The following RFC1 variants were observed in gnomAD, a reference collection of about 807,000 sequenced individuals.
RFC1 encodes replication factor C subunit 1.
RFC1 carries 37 observed loss-of-function variants against 137.4 expected under a neutral mutation model. That is an observed-to-expected ratio of 0.27 (90% CI 0.21 to 0.35). The LOEUF is 0.35. RFC1 is among the 10% of genes least tolerant of loss of function. The pLI is 1.00. For missense variants in RFC1, 1,205 were observed against 1,358.5 expected, an observed-to-expected ratio of 0.89 and a Z score of 1.78; for synonymous variants, 429 against 455.7, an observed-to-expected ratio of 0.94 and a Z score of 0.75.
At chr4:39,292,177 C>T (rs896807620) in intron 22 of RFC1, 5 of 291,272 alleles carry the variant, frequency 1.7e-5, no homozygotes, top group Non-Finnish European at 2.0e-5. Context: ...ATGACTCGTT[C>T]CAAGTTCCAA....
Position 39,291,842 on chromosome 4 carries a change from T to C in RFC1, c.2965A>G (p.Ser989Gly), listed in dbSNP as rs973935017. 6 of 1,613,872 alleles carry C rather than the reference T, an allele frequency of 3.7e-6. No individual in the cohort carries two copies. Among genetic ancestry groups the C allele is most frequent in the Non-Finnish European group, 5.1e-6 (6 of 1,179,736 alleles). Residue 989 changes from serine to glycine, a missense_variant, in exon 23 of 25, where the codon AGC becomes GGC. Transcript: ENST00000349703. ...ALHMSLRTYSSKRTVNMDYLS... is the reference protein window; with the variant it reads ...ALHMSLRTYSGKRTVNMDYLS... ...TAATCCATGTTTACAGTCCTTTTGC[T>C]GGAGTAAGTTCTGAAACCACAACAA...
chr4:39,305,376 G>C (rs918173628), intron 14 of RFC1, among the ~76,000 whole-genome samples: 8 of 152,262 alleles, frequency 5.3e-5, no homozygotes, highest in African/African-American at 1.7e-4. Context: ...GGAGTCCAAA[G>C]TGGATGGATT....
intron 13 of RFC1, among the ~76,000 whole-genome samples, chr4:39,308,279 T>C (rs1261669296): frequency 2.6e-5 from 4 of 152,182 alleles, no homozygotes; most frequent in African/African-American, 9.7e-5. Flanking sequence ...TCCTACTTTG[T>C]TTCCAAGTCT....
intron 1 of RFC1, among the ~76,000 whole-genome samples, chr4:39,362,368 G>A (rs1418431552): frequency 6.6e-6 from 1 of 152,160 alleles, no homozygotes; most frequent in Non-Finnish European, 1.5e-5. Flanking sequence ...AAAGGTGGAG[G>A]ACATACTTCC....
intron 1 of RFC1, among the ~76,000 whole-genome samples, chr4:39,355,098 T>TACACACACACAC (rs59438877): frequency 6.3e-4 from 56 of 88,964 alleles, no homozygotes; most frequent in East Asian, 8.2e-4. Flanking sequence ...AAAAAAAAAA[T>TACACACACACAC]ACACACACAC....
chr4:39,312,700 G>A (rs755302828), intron 11 of RFC1, 52 bp downstream of exon 11: 10 of 1,512,574 alleles, frequency 6.6e-6, no homozygotes, highest in Non-Finnish European at 9.1e-6. Context: ...CATCAAGAGT[G>A]TGCCAAGGCA....
At chr4:39,327,412 T>A in intron 5 of RFC1, 112 bp downstream of exon 5, 1 of 549,074 alleles carries the variant, frequency 1.8e-6, no homozygotes. Context: ...CATAGGAAAA[T>A]TATTTTAATT....
intron 9 of RFC1, among the ~76,000 whole-genome samples, chr4:39,317,352 A>C (rs17335055): frequency 3.4e-4 from 52 of 152,238 alleles, no homozygotes; most frequent in Non-Finnish European, 6.9e-4. Flanking sequence ...ATATTTCATG[A>C]TATATCCATA....
At position 39,320,488 on chromosome 4, in the gene RFC1, A is replaced by G. The variant is rs1560604372; in HGVS notation, c.990T>C (p.Tyr330=). 2.5e-6 allele frequency: 4 copies of G among 1,608,188 alleles called. No individual in the cohort carries two copies. The highest frequency in any genetic ancestry group is 3.4e-6 in the Non-Finnish European group (4 of 1,178,700). Residue 330 remains tyrosine (Y), a synonymous_variant, in exon 9 of 25, where the codon TAT becomes TAC. Transcript: ENST00000349703. ...AIMKRKEESS[Y]KEIEPVASKR... Reference sequence around the variant, plus strand: ...TTGAGGCCACAGGCTCTATTTCTTTATAAGAGCTCTCTTCTTTTCTTTTCA... The same window carrying G: ...TTGAGGCCACAGGCTCTATTTCTTTGTAAGAGCTCTCTTCTTTTCTTTTCA...
chr4:39,335,590 C>G (rs1251810049), intron 4 of RFC1, among the ~76,000 whole-genome samples: 1 of 152,040 alleles, frequency 6.6e-6, no homozygotes, highest in Non-Finnish European at 1.5e-5. Flanking sequence ...GTGATGTTAT[C>G]CACCACACAG....
chr4:39,304,295 T>C (rs1465664830), intron 15 of RFC1, among the ~76,000 whole-genome samples: 4 of 152,188 alleles, frequency 2.6e-5, no homozygotes, highest in Admixed American at 2.6e-4. Flanking sequence ...GTCTTCTCTT[T>C]TACTACCTTT....
chr4:39,292,191 A>C (rs1737715349), intron 22 of RFC1: 2 of 280,072 alleles, frequency 7.1e-6, no homozygotes. Context: ...GTTCCAAAAT[A>C]TTAAAAGCAT....
chr4:39,328,833 T>G (rs1015477752), intron 4 of RFC1, among the ~76,000 whole-genome samples: 1 of 152,078 alleles, frequency 6.6e-6, no homozygotes, highest in African/African-American at 2.4e-5. Context: ...GGAGACCACT[T>G]AGAAAGCTAC....
rs763636546 is a variant in RFC1 at position 39,312,939 on chromosome 4, C to A, written c.1204-8G>T. On this transcript the variant is annotated splice_polypyrimidine_tract_variant and splice_region_variant and intron_variant, in intron 10 of 24. Coordinates refer to ENST00000349703, the MANE Select transcript of RFC1 (RefSeq NM_002913.5). ...CAAGCAATTTTCAGCTCCCTAAAAA[C>A]CAAAATGTTCAAGCAGAGAGGAAAT... 1 of 1,586,340 alleles carries A rather than the reference C, an allele frequency of 6.3e-7. No individual in the cohort carries two copies. Among genetic ancestry groups the A allele is most frequent in the Non-Finnish European group, 8.6e-7 (1 of 1,163,504 alleles).
chr4:39,332,407 A>T (rs1433440325), intron 4 of RFC1, among the ~76,000 whole-genome samples: 1 of 152,182 alleles, frequency 6.6e-6, no homozygotes, highest in Admixed American at 6.5e-5. Flanking sequence ...TTTACTATTA[A>T]TAAGTTTTTA....
Position 39,366,323 on chromosome 4 carries a change from C to G in RFC1, c.-82G>C. On this transcript the variant is annotated 5_prime_UTR_variant, in exon 1 of 25. Coordinates refer to ENST00000349703, the MANE Select transcript of RFC1 (RefSeq NM_002913.5). Reference sequence around the variant, plus strand: ...GTTATCGAGGCTCAGGATCCATTCGCGCCAACAACTTCTCCCGCGAAGTGC... The same window carrying G: ...GTTATCGAGGCTCAGGATCCATTCGGGCCAACAACTTCTCCCGCGAAGTGC... The G allele has an allele frequency of 7.2e-7, 1 of 1,392,674 alleles. No individual in the cohort carries two copies. Among genetic ancestry groups the G allele is most frequent in the Non-Finnish European group, 9.4e-7 (1 of 1,059,466 alleles). 86.3% of individuals were successfully genotyped at this position (1,392,674 alleles called of 1,614,324 possible).
chr4:39,289,631 A>G lies in RFC1; in HGVS notation c.3360+217T>C. 5 of 506,962 alleles carry G rather than the reference A, an allele frequency of 9.9e-6. No individual in the cohort carries two copies. In the South Asian group the frequency reaches 1.5e-4, roughly 15 times the overall value. The allele number at this position is 506,962 out of a possible 1,614,324, so 31.4% of individuals were successfully genotyped here. Reference sequence around the variant, plus strand: ...TCTAACAGAACATATGGCCGTCAATATCATGGCCTGTTTTCTTGCTGTTTG... The same window carrying G: ...TCTAACAGAACATATGGCCGTCAATGTCATGGCCTGTTTTCTTGCTGTTTG... On this transcript the variant is annotated intron_variant, in intron 24 of 24. Coordinates refer to ENST00000349703, the MANE Select transcript of RFC1 (RefSeq NM_002913.5).
chr4:39,295,535 T>C, intron 22 of RFC1, 79 bp downstream of exon 22: 1 of 1,188,638 alleles, frequency 8.4e-7, no homozygotes, highest in Non-Finnish European at 1.2e-6. Context: ...ACAAATCTTT[T>C]GACTCACATG....
At chr4:39,311,643 G>C (rs1042476076) in intron 11 of RFC1, 94 bp from the exon 12 acceptor site, 25 of 741,432 alleles carry the variant, frequency 3.4e-5, no homozygotes, top group African/African-American at 1.8e-5. Flanking sequence ...CTATTAGTAG[G>C]TGAAAAACCA....
Sources: allele counts gnomAD v4.1 joint callset (sites outside exome capture counted in the v4.1 genomes callset), GRCh38; gene constraint gnomAD v4.1.1; transcripts MANE v1.5; gene names NCBI Gene and HGNC (gene_info 2026-07-23, HGNC 2026-07-21).